The following GAS6 variants were observed in gnomAD, a reference collection of about 807,000 sequenced individuals.
GAS6 encodes growth arrest-specific protein 6.
A neutral mutation model predicts 75.8 loss-of-function variants in GAS6; 41 were observed. The observed-to-expected ratio is 0.54, with a 90% CI of 0.42 to 0.70. The LOEUF (loss-of-function observed/expected upper bound fraction) is 0.70. GAS6 is among the 30% of genes least tolerant of loss of function. The pLI is 0.00. For missense variants in GAS6, 854 were observed against 940.2 expected (o/e 0.91, Z 1.20); for synonymous variants, 432 against 412.6 (o/e 1.05, Z -0.57).
intron 10 of GAS6, 29 bp downstream of exon 10, chr13:113,832,270 C>A: frequency 1.9e-6 from 3 of 1,591,280 alleles, no homozygotes; most frequent in Non-Finnish European, 2.5e-6. Flanking sequence ...CCCCGTGAGG[C>A]CTGGAAGGGG....
Position 113,863,498 on chromosome 13 carries a change from C to G in GAS6, c.255+77G>C. The G allele has an allele frequency of 7.3e-7, 1 of 1,376,674 alleles. No homozygotes were observed. The highest frequency in any genetic ancestry group is 9.4e-7 in the Non-Finnish European group (1 of 1,060,644). The allele number at this position is 1,376,674 out of a possible 1,614,324, so 85.3% of individuals were successfully genotyped here. ...GCCGCGCGGAGCTGGGGGGCGGCAGCAGCGCTGCCTCTCGGGAGCGGTTGG... is the reference window on the plus strand; with the variant it reads ...GCCGCGCGGAGCTGGGGGGCGGCAGGAGCGCTGCCTCTCGGGAGCGGTTGG... On this transcript the variant is annotated intron_variant, in intron 2 of 14. Transcript: ENST00000327773. This position sits in a 1 kb window ranked among gnomAD's most constrained non-coding sequence, Gnocchi z 9.4.
intron 10 of GAS6, among the ~76,000 whole-genome samples, chr13:113,830,131 A>G (rs1029905813): frequency 2.6e-5 from 4 of 152,222 alleles, no homozygotes; most frequent in Admixed American, 1.3e-4. Context: ...TATATTCCTG[A>G]GCTTCAGAAG....
intron 2 of GAS6, among the ~76,000 whole-genome samples, chr13:113,860,506 T>C (rs2051962810): frequency 6.6e-6 from 1 of 152,142 alleles, no homozygotes; most frequent in South Asian, 2.1e-4. Context: ...CAGCAGGCCC[T>C]GGAACCTGAT....
chr13:113,828,517 C>A lies in GAS6; in HGVS notation c.1308+30G>T, dbSNP rs72670665. ...GTTCCCGGGATCCCAGCACACGGCG[C>A]GTCTACACAGGGACAGGTACAGTAC... On this transcript the variant is annotated intron_variant, in intron 11 of 14. Coordinates refer to ENST00000327773, the MANE Select transcript of GAS6 (RefSeq NM_000820.4). 36 of 1,595,720 alleles carry A rather than the reference C, an allele frequency of 2.3e-5. No homozygotes were observed. The South Asian group carries it at 3.5e-4, about 15-fold the overall frequency.
Position 113,863,607 on chromosome 13 carries a change from C to A in GAS6, c.223G>T (p.Ala75Ser). 6.6e-7 allele frequency: 1 copy of A among 1,524,160 alleles called. No homozygotes were observed. Among genetic ancestry groups the A allele is most frequent in the Non-Finnish European group, 8.8e-7 (1 of 1,136,042 alleles). The allele number at this position is 1,524,160 out of a possible 1,614,324, so 94.4% of individuals were successfully genotyped here. ...CVEELCSREE[A>S]REVFENDPET... ...GGGTCGTTCTCGAACACCTCCCGCGCCTCCTCGCGGCTGCACAGCTCCTCC... is the reference window on the plus strand; with the variant it reads ...GGGTCGTTCTCGAACACCTCCCGCGACTCCTCGCGGCTGCACAGCTCCTCC... Residue 75 changes from alanine to serine, a missense_variant, in exon 2 of 15, where the codon GCG (alanine) becomes TCG (serine). Transcript: ENST00000327773. This position sits in a 1 kb window ranked among gnomAD's most constrained non-coding sequence, Gnocchi z 9.4.
At chr13:113,849,698 T>A (rs2051859120) in intron 2 of GAS6, among the ~76,000 whole-genome samples, 1 of 152,220 alleles carries the variant, frequency 6.6e-6, no homozygotes, top group Non-Finnish European at 1.5e-5. Flanking sequence ...AATACCAAGT[T>A]TTATTGTTGC....
At chr13:113,852,407 C>G (rs2051882985) in intron 2 of GAS6, among the ~76,000 whole-genome samples, 1 of 152,208 alleles carries the variant, frequency 6.6e-6, no homozygotes, top group Admixed American at 6.5e-5. Flanking sequence ...GCCCGTTGCC[C>G]TTCGGTTTCG....
intron 2 of GAS6, among the ~76,000 whole-genome samples, chr13:113,855,655 C>T (rs9577865): frequency 0.099 from 15,027 of 152,150 alleles, 1,141 homozygotes; most frequent in South Asian, 0.35. Context: ...GCTTCTGCGC[C>T]GGGAGTCACG....
chr13:113,836,739 G>A (rs1594199578), intron 6 of GAS6, among the ~76,000 whole-genome samples: 1 of 22,962 alleles, frequency 4.4e-5, no homozygotes, highest in East Asian at 1.2e-3. Flanking sequence ...TGAGGAGGAG[G>A]AGGGGGAGGA....
chr13:113,861,259 C>G (rs1035594615), intron 2 of GAS6, among the ~76,000 whole-genome samples: 2 of 152,140 alleles, frequency 1.3e-5, no homozygotes, highest in Non-Finnish European at 2.9e-5. Context: ...TGGGTAGGTG[C>G]GTGTTAACTA....
intron 2 of GAS6, among the ~76,000 whole-genome samples, chr13:113,853,864 C>T (rs1201460550): frequency 1.3e-5 from 2 of 152,204 alleles, no homozygotes; most frequent in Non-Finnish European, 1.5e-5. Context: ...GTTCTTCTAG[C>T]TTGGGAAGTG....
rs1054418895 is a variant in GAS6 at position 113,820,761 on chromosome 13, G to A, written c.*103C>T. 2 of 1,308,834 alleles carry A rather than the reference G, an allele frequency of 1.5e-6. No homozygotes were observed. Among genetic ancestry groups the A allele is most frequent in the African/African-American group, 3.0e-5 (2 of 67,464 alleles). 81.1% of individuals were successfully genotyped at this position (1,308,834 alleles called of 1,614,324 possible). A position where few individuals can be genotyped will look rare whatever the true frequency, so the allele number is the denominator to read the frequency against. On this transcript the variant is annotated 3_prime_UTR_variant, in exon 15 of 15. Coordinates refer to ENST00000327773, the MANE Select transcript of GAS6 (RefSeq NM_000820.4). ...TGTTACAGGCCGGGATGGTCACAGA[G>A]GAAAGCCCAGCTCTCAGCATGGCCC...
chr13:113,842,088 AGTTTCCTCCATACG>A, intron 4 of GAS6: 2 of 151,254 alleles, frequency 1.3e-5, no homozygotes, highest in African/African-American at 5.1e-5. Context: ...CATACGCCCC[AGTTTCCTCCATACG>A]CCCCAGTTTC....
intron 2 of GAS6, among the ~76,000 whole-genome samples, chr13:113,851,641 G>A (rs771435805): frequency 2.6e-5 from 4 of 151,940 alleles, no homozygotes; most frequent in Non-Finnish European, 5.9e-5. Flanking sequence ...ATGGATGAGC[G>A]AGTGCATGGA....
intron 10 of GAS6, 119 bp from the exon 11 acceptor site, chr13:113,828,830 A>G: frequency 9.0e-7 from 1 of 1,117,058 alleles, no homozygotes. Context: ...CGGGGAGGCC[A>G]CCTGATCCTC....
In GAS6 at chr13:113,863,324, T is replaced by C. The variant is rs1362916269; in HGVS notation, c.255+251A>G. Among the ~76,000 whole-genome samples, 1 of 152,088 alleles carries C rather than the reference T, an allele frequency of 6.6e-6. No homozygotes were observed. The highest frequency in any genetic ancestry group is 1.5e-5 in the Non-Finnish European group (1 of 67,970). ...CGCACTTTGGAAACGGACTCCCGGC[T>C]TCCCCGCGGGGAGGCGTCTGACAGC... On this transcript the variant is annotated intron_variant, in intron 2 of 14. Coordinates refer to ENST00000327773, the MANE Select transcript of GAS6 (RefSeq NM_000820.4). This position sits in a 1 kb window ranked among gnomAD's most constrained non-coding sequence, Gnocchi z 9.4.
chr13:113,856,422 C>T (rs746229384), intron 2 of GAS6, among the ~76,000 whole-genome samples: 7 of 152,184 alleles, frequency 4.6e-5, no homozygotes, highest in Non-Finnish European at 8.8e-5. Context: ...TGTAAAATGG[C>T]TCAGTGACAG....
In GAS6 at chr13:113,863,318, C is replaced by G. The variant is rs1278579079; in HGVS notation, c.255+257G>C. On this transcript the variant is annotated intron_variant, in intron 2 of 14. Transcript: ENST00000327773. The surrounding 1 kb of genome is among the most constrained non-coding windows in gnomAD (Gnocchi z 9.4). ...TTCTCTCGCACTTTGGAAACGGACT[C>G]CCGGCTTCCCCGCGGGGAGGCGTCT... is the stretch of plus-strand genomic sequence containing the variant. Among the ~76,000 whole-genome samples, 1 of 152,150 alleles carries G rather than the reference C, an allele frequency of 6.6e-6. No homozygotes were observed. The highest frequency in any genetic ancestry group is 1.5e-5 in the Non-Finnish European group (1 of 68,008).
rs1352883526 is a variant in GAS6, at chr13:113,833,202, C to A, written c.835-450G>T. ...GAACCAAAGCCGGTGTGAGCTGACA[C>A]CCCTGGAAGATGGAGGGGCTGGGGC... is the stretch of plus-strand genomic sequence containing the variant. On this transcript the variant is annotated intron_variant, in intron 8 of 14. Transcript: ENST00000327773. 10 of 1,106,120 alleles carry A rather than the reference C, an allele frequency of 9.0e-6. No individual in the cohort carries two copies. In the African/African-American group the frequency reaches 1.1e-4, roughly 13 times the overall value. 68.5% of individuals were successfully genotyped at this position (1,106,120 alleles called of 1,614,324 possible). A position where few individuals can be genotyped will look rare whatever the true frequency, so the allele number is the denominator to read the frequency against.
Sources: gnomAD v4.1 joint callset for allele counts (sites outside exome capture counted in the v4.1 genomes callset) on GRCh38, gnomAD v4.1.1 for gene constraint, Gnocchi (gnomAD v3.1) non-coding constraint, MANE v1.5 for transcripts, NCBI Gene and HGNC (gene_info 2026-07-23, HGNC 2026-07-21) for gene names.